The following PCDHA4 variants were observed in gnomAD, a reference collection of about 807,000 sequenced individuals.
PCDHA4 encodes the protein protocadherin alpha 4, also known as protocadherin alpha-4.
In PCDHA4, 49 loss-of-function variants were observed where a neutral mutation model predicts 61.4. The ratio of observed to expected loss-of-function variants is 0.80; its 90% CI spans 0.63 to 1.01. PCDHA4 has a LOEUF of 1.01. PCDHA4 is among the 50% of genes least tolerant of loss of function. The pLI is 0.00. For synonymous variants in PCDHA4, 590 were observed against 550.3 expected (o/e 1.07, Z -1.01); for missense variants, 1,254 against 1,235.8 (o/e 1.01, Z -0.22).
intron 1 of PCDHA4, among the ~76,000 whole-genome samples, chr5:140,911,760 A>G (rs1295639313): frequency 6.6e-6 from 1 of 151,962 alleles, no homozygotes; most frequent in African/African-American, 2.4e-5. Flanking sequence ...TCTCCATACT[A>G]TTAGAAGTAC....
chr5:140,822,637 G>A (rs2150118017), intron 1 of PCDHA4: 2 of 1,610,588 alleles, frequency 1.2e-6, no homozygotes, highest in Non-Finnish European at 1.7e-6. Flanking sequence ...TCTTGACGAT[G>A]TAAAGTCCAA....
At chr5:140,940,017 T>C (rs1418030283) in intron 1 of PCDHA4, among the ~76,000 whole-genome samples, 1 of 152,234 alleles carries the variant, frequency 6.6e-6, no homozygotes, top group Non-Finnish European at 1.5e-5. Flanking sequence ...TTTTGTGTCA[T>C]ATGTTTTAAG....
At chr5:140,989,996 A>G (rs1554251207) in intron 3 of PCDHA4, among the ~76,000 whole-genome samples, 1 of 152,144 alleles carries the variant, frequency 6.6e-6, no homozygotes, top group Non-Finnish European at 1.5e-5. Context: ...GAAATTGTCT[A>G]TCTCCAAGGG....
At chr5:140,824,144 T>C (rs2150132609) in intron 1 of PCDHA4, 6 of 1,611,910 alleles carry the variant, frequency 3.7e-6, no homozygotes, top group Non-Finnish European at 4.2e-6. Context: ...TTTCTAATAT[T>C]AACATCCATC....
chr5:140,907,364 C>T (rs1042794275), intron 1 of PCDHA4, among the ~76,000 whole-genome samples: 5 of 152,122 alleles, frequency 3.3e-5, no homozygotes, highest in East Asian at 1.9e-4. Context: ...CTTCTTTAGT[C>T]GTAAAGTGAG....
intron 1 of PCDHA4, among the ~76,000 whole-genome samples, chr5:140,965,466 A>C (rs1364686627): frequency 2.6e-5 from 4 of 152,002 alleles, no homozygotes; most frequent in Non-Finnish European, 4.4e-5. Flanking sequence ...GATAAATCCC[A>C]GACTCCCACA....
chr5:140,828,388 C>G (rs2150154802), intron 1 of PCDHA4: 3 of 1,614,274 alleles, frequency 1.9e-6, no homozygotes, highest in Non-Finnish European at 2.5e-6. Flanking sequence ...GCGGGCGGAG[C>G]GCGGAGTGCA....
At chr5:140,969,304 C>CA in intron 1 of PCDHA4, 3 of 1,614,160 alleles carry the variant, frequency 1.9e-6, no homozygotes, top group Non-Finnish European at 2.5e-6. Flanking sequence ...TGATTATTCT[C>CA]AAAAATGAGG....
chr5:140,823,471 G>T (rs1554129365), intron 1 of PCDHA4: 2 of 1,613,352 alleles, frequency 1.2e-6, no homozygotes, highest in African/African-American at 2.7e-5. Context: ...GGCGCTGCTG[G>T]TGCCTCGAGT....
At chr5:140,905,395 G>T (rs1562949609) in intron 1 of PCDHA4, among the ~76,000 whole-genome samples, 1 of 152,166 alleles carries the variant, frequency 6.6e-6, no homozygotes. Context: ...AGGTCTGTGT[G>T]CCTATTTTTA....
At position 140,850,766 on chromosome 5, in the gene PCDHA4, G is replaced by A. The variant is rs2150497576; in HGVS notation, c.2385+41194G>A. The A allele has an allele frequency of 3.1e-6, 5 of 1,598,074 alleles. No homozygotes were observed. In the South Asian group the frequency reaches 4.4e-5, roughly 14 times the overall value. On this transcript the variant is annotated intron_variant, in intron 1 of 3. Coordinates refer to ENST00000530339, the MANE Select transcript of PCDHA4 (RefSeq NM_018907.4). ...CGTACTCGCAGCAGAGGAGGCAGAG[G>A]GTGTGCTCTGGCGAGGGTAAGCAGA...
At chr5:140,906,502 CAAAG>C (rs1295778527) in intron 1 of PCDHA4, among the ~76,000 whole-genome samples, 1 of 152,180 alleles carries the variant, frequency 6.6e-6, no homozygotes, top group African/African-American at 2.4e-5. Context: ...ATGTTTTTAA[CAAAG>C]AAGGAGGAAA....
At chr5:140,964,658 G>T (rs2095846855) in intron 1 of PCDHA4, among the ~76,000 whole-genome samples, 1 of 151,968 alleles carries the variant, frequency 6.6e-6, no homozygotes, top group Admixed American at 6.6e-5. Context: ...AATGGGTGAG[G>T]ACACAGGCCA....
intron 1 of PCDHA4, among the ~76,000 whole-genome samples, chr5:140,916,438 A>G (rs975528805): frequency 4.6e-5 from 7 of 152,234 alleles, no homozygotes; most frequent in Admixed American, 4.6e-4. Flanking sequence ...TAAGGCCCAC[A>G]GTATACTACC....
chr5:140,818,094 G>T (rs1213781361), intron 1 of PCDHA4, among the ~76,000 whole-genome samples: 1 of 151,990 alleles, frequency 6.6e-6, no homozygotes, highest in African/African-American at 2.4e-5. Flanking sequence ...TATATCTGTG[G>T]GTTGATAATA....
At chr5:140,967,120 G>C in intron 1 of PCDHA4, 1 of 1,612,860 alleles carries the variant, frequency 6.2e-7, no homozygotes, top group East Asian at 2.2e-5. Flanking sequence ...CTCGCTGCCT[G>C]CTCAGCTTGG....
intron 1 of PCDHA4, chr5:140,875,239 A>G (rs1008116554): frequency 1.1e-6 from 1 of 915,946 alleles, no homozygotes; most frequent in Non-Finnish European, 1.5e-6. Flanking sequence ...TCTTGTACTT[A>G]CATAATCAGT....
At chr5:140,822,867 C>T in intron 1 of PCDHA4, 2 of 1,614,242 alleles carry the variant, frequency 1.2e-6, no homozygotes, top group East Asian at 2.2e-5. Flanking sequence ...ACGCTCCACT[C>T]AGCACGGTCA....
chr5:140,902,859 A>G (rs964505072), intron 1 of PCDHA4, among the ~76,000 whole-genome samples: 18 of 152,208 alleles, frequency 1.2e-4, no homozygotes, highest in African/African-American at 4.3e-4. Context: ...AATGGCGTCC[A>G]GGTCCACCCA....
Sources: allele counts gnomAD v4.1 joint callset (sites outside exome capture counted in the v4.1 genomes callset), GRCh38; gene constraint gnomAD v4.1.1; transcripts MANE v1.5; gene names NCBI Gene and HGNC (gene_info 2026-07-23, HGNC 2026-07-21).